Variants in SORCS2 observed in about 807,000 individuals in gnomAD.
The protein encoded by SORCS2 is VPS10 domain-containing receptor SorCS2.
A neutral mutation model predicts 141.6 loss-of-function variants in SORCS2; 100 were observed. That is an observed-to-expected ratio of 0.71 (90% CI 0.60 to 0.83). The LOEUF (loss-of-function observed/expected upper bound fraction) is 0.83. SORCS2 is among the 40% of genes least tolerant of loss of function. The pLI, the probability that SORCS2 is intolerant of heterozygous loss-of-function variation, is 0.00. For synonymous variants in SORCS2, 789 were observed against 676.9 expected (o/e 1.17, Z -2.57); for missense variants, 1,646 against 1,560.2 (o/e 1.05, Z -0.93).
At chr4:7,694,808 A>C (rs1200328553) in intron 11 of SORCS2, among the ~76,000 whole-genome samples, 4 of 151,980 alleles carry the variant, frequency 2.6e-5, no homozygotes, top group African/African-American at 9.7e-5. Context: ...TCTGTCTTGC[A>C]CCTGCCCGGG....
chr4:7,354,641 A>G (rs1721139993), intron 1 of SORCS2, among the ~76,000 whole-genome samples: 1 of 152,126 alleles, frequency 6.6e-6, no homozygotes, highest in Non-Finnish European at 1.5e-5. Context: ...CTGCACACCA[A>G]ATCGGGGAAG....
intron 3 of SORCS2, among the ~76,000 whole-genome samples, chr4:7,565,319 G>A (rs527709755): frequency 5.4e-4 from 82 of 152,256 alleles, no homozygotes; most frequent in Non-Finnish European, 9.1e-4. Flanking sequence ...AAAAGCTGTG[G>A]GTTCCATCCT....
At chr4:7,717,208 AG>A (rs1726249023) in intron 17 of SORCS2, among the ~76,000 whole-genome samples, 1 of 152,128 alleles carries the variant, frequency 6.6e-6, no homozygotes, top group Non-Finnish European at 1.5e-5. Context: ...GACCCACCCT[AG>A]GGCCTTTGCA....
chr4:7,446,196 G>T (rs73086367), intron 2 of SORCS2, among the ~76,000 whole-genome samples: 44,671 of 151,190 alleles, frequency 0.3, 7,090 homozygotes, highest in East Asian at 0.64. Flanking sequence ...GGAGGGGAGG[G>T]AAGAAAAGAA....
chr4:7,676,861 C>T (rs1723178129), intron 9 of SORCS2, among the ~76,000 whole-genome samples: 1 of 110,828 alleles, frequency 9.0e-6, no homozygotes, highest in African/African-American at 3.2e-5. Flanking sequence ...TCATCTCCTC[C>T]TTCCTCTCCC....
Position 7,531,628 on chromosome 4 carries a change from A to G in SORCS2, c.647A>G (p.Lys216Arg). ...NFYICPTNKR[K>R]VILVSSSLSD... ...TACATCTGCCCGACCAACAAGAGGA[A>G]GGTAGGTGCTGGCTGGGGGTGGCCG... The change falls in exon 3 of 27, where the codon AAG (lysine) becomes AGG (arginine). Residue 216 changes from lysine (K) to arginine (R), a missense_variant and splice_region_variant. Physicochemically the swap from Lys to Arg is conservative, Grantham distance 26 (BLOSUM62 2). Coordinates refer to ENST00000507866, the MANE Select transcript of SORCS2 (RefSeq NM_020777.3). The G allele has an allele frequency of 6.2e-7, 1 of 1,613,276 alleles. No individual in the cohort carries two copies. The highest frequency in any genetic ancestry group is 8.5e-7 in the Non-Finnish European group (1 of 1,179,574).
intron 1 of SORCS2, among the ~76,000 whole-genome samples, chr4:7,338,276 TTGGATGGAAGGATGGA>T (rs1204396434): frequency 7.5e-6 from 1 of 133,754 alleles, no homozygotes; most frequent in African/African-American, 2.9e-5. Flanking sequence ...TGGATGTCGG[TTGGATGGAAGGATGGA>T]TGGATGGATG....
intron 2 of SORCS2, chr4:7,434,144 C>G: frequency 6.2e-7 from 1 of 1,613,874 alleles, no homozygotes; most frequent in Non-Finnish European, 8.5e-7. Flanking sequence ...CTGCAGAGCT[C>G]CTGCGGGGGG....
In SORCS2 at chr4:7,504,118, G is replaced by T. The variant is rs142686648; in HGVS notation, c.549-27412G>T. On this transcript the variant is annotated intron_variant, in intron 2 of 26. Transcript: ENST00000507866. ...CCTGGGTGCCAGGGGTAGGGCAGGG[G>T]CCTCTGTCGCAGCTCACAGCTGCGC... is the stretch of plus-strand genomic sequence containing the variant. Among the ~76,000 whole-genome samples, 1,426 of 152,338 alleles carry T rather than the reference G, an allele frequency of 9.4e-3. 24 individuals are homozygous for T. Among genetic ancestry groups the T allele is most frequent in the African/African-American group, 0.033 (1,361 of 41,572 alleles).
intron 1 of SORCS2, among the ~76,000 whole-genome samples, chr4:7,362,480 GGCACTCACTGA>G (rs1467078002): frequency 6.6e-6 from 1 of 152,142 alleles, no homozygotes; most frequent in Non-Finnish European, 1.5e-5. Flanking sequence ...TCCATTGCTA[GGCACTCACTGA>G]GCTGGTAGTA....
chr4:7,353,732 G>C (rs1047158629), intron 1 of SORCS2, among the ~76,000 whole-genome samples: 6 of 152,162 alleles, frequency 3.9e-5, no homozygotes, highest in Non-Finnish European at 8.8e-5. Flanking sequence ...TTGTCAGGGA[G>C]CCCAGGGGCT....
At chr4:7,368,259 C>T (rs1316397564) in intron 1 of SORCS2, among the ~76,000 whole-genome samples, 3 of 152,202 alleles carry the variant, frequency 2.0e-5, no homozygotes, top group East Asian at 3.8e-4. Context: ...GAGCTGGCAT[C>T]AGCAATCCAT....
intron 1 of SORCS2, among the ~76,000 whole-genome samples, chr4:7,247,304 AT>A (rs79083234): frequency 1.6e-3 from 232 of 142,384 alleles, no homozygotes; most frequent in Admixed American, 3.9e-3. Context: ...TCTATCTTTA[AT>A]TTTTTTTTTT....
At chr4:7,289,375 A>G (rs145832424) in intron 1 of SORCS2, among the ~76,000 whole-genome samples, 65 of 152,206 alleles carry the variant, frequency 4.3e-4, no homozygotes, top group African/African-American at 1.5e-3. Flanking sequence ...CTGACATCAC[A>G]TATTAGTGTC....
At chr4:7,697,327 T>G in intron 12 of SORCS2, 53 bp downstream of exon 12, 1 of 1,434,966 alleles carries the variant, frequency 7.0e-7, no homozygotes, top group South Asian at 1.2e-5. Context: ...GCCGGGACCC[T>G]CAGGAGACAC....
chr4:7,467,005 C>G (rs993160725), intron 2 of SORCS2, among the ~76,000 whole-genome samples: 3 of 152,072 alleles, frequency 2.0e-5, no homozygotes, highest in Non-Finnish European at 4.4e-5. Context: ...GGCTCTTTGG[C>G]TTGGAGCACA....
At chr4:7,621,675 A>C (rs1471425706) in intron 3 of SORCS2, among the ~76,000 whole-genome samples, 1 of 152,196 alleles carries the variant, frequency 6.6e-6, no homozygotes, top group Non-Finnish European at 1.5e-5. Flanking sequence ...ACATGAAAAC[A>C]CTTTTGCTGA....
intron 3 of SORCS2, among the ~76,000 whole-genome samples, chr4:7,596,096 G>A (rs1250109092): frequency 1.3e-5 from 2 of 152,216 alleles, no homozygotes; most frequent in Non-Finnish European, 2.9e-5. Context: ...TCAGCATCCT[G>A]TTGTGTCTTT....
chr4:7,275,139 C>A (rs1029353094), intron 1 of SORCS2, among the ~76,000 whole-genome samples: 1 of 152,138 alleles, frequency 6.6e-6, no homozygotes, highest in Non-Finnish European at 1.5e-5. Context: ...GGTTGCCAAG[C>A]GTGTCCTAGT....
Sources: allele counts gnomAD v4.1 joint callset (sites outside exome capture counted in the v4.1 genomes callset), GRCh38; gene constraint gnomAD v4.1.1; transcripts MANE v1.5; gene names NCBI Gene and HGNC (gene_info 2026-07-23, HGNC 2026-07-21).